Variants in KCTD3 observed in about 807,000 individuals in gnomAD.
KCTD3 encodes BTB/POZ domain-containing protein KCTD3.
KCTD3 carries 41 observed loss-of-function variants against 85.8 expected under a neutral mutation model. The ratio of observed to expected loss-of-function variants is 0.48; its 90% CI spans 0.37 to 0.62. The LOEUF (loss-of-function observed/expected upper bound fraction) is 0.62. Ranked by LOEUF, KCTD3 falls within the 20% of genes least tolerant of loss-of-function variation. KCTD3 has a pLI of 0.00. For missense variants in KCTD3, 724 were observed against 989.9 expected (o/e 0.73, Z 3.60); for synonymous variants, 338 against 345.4 (o/e 0.98, Z 0.24).
At chr1:215,583,258 G>A (rs1012120959) in intron 8 of KCTD3, among the ~76,000 whole-genome samples, 2 of 152,126 alleles carry the variant, frequency 1.3e-5, no homozygotes, top group African/African-American at 4.8e-5. Context: ...TAAATAAGGG[G>A]TGGATTATTC....
At chr1:215,612,747 A>G (rs1022397820) in intron 15 of KCTD3, among the ~76,000 whole-genome samples, 7 of 152,206 alleles carry the variant, frequency 4.6e-5, no homozygotes, top group South Asian at 2.1e-4. Context: ...AGGATTTCAT[A>G]GGATAAAATA....
intron 9 of KCTD3, among the ~76,000 whole-genome samples, chr1:215,590,729 T>C (rs1353845332): frequency 6.6e-6 from 1 of 152,248 alleles, no homozygotes; most frequent in Non-Finnish European, 1.5e-5. Flanking sequence ...ATTTCTTGTC[T>C]TTTTGTTCAT....
chr1:215,617,889 A>G (rs2102609269), intron 15 of KCTD3, among the ~76,000 whole-genome samples: 1 of 148,964 alleles, frequency 6.7e-6, no homozygotes, highest in South Asian at 2.1e-4. Flanking sequence ...ATATATGTAT[A>G]TCTTCTAGTG....
At chr1:215,599,956 A>G (rs543973563) in intron 10 of KCTD3, among the ~76,000 whole-genome samples, 1 of 151,488 alleles carries the variant, frequency 6.6e-6, no homozygotes, top group South Asian at 2.1e-4. Flanking sequence ...ATCTGTCCCC[A>G]TTTTCCTGCC....
At chr1:215,577,799 T>C in intron 5 of KCTD3, 71 bp downstream of exon 5, 1 of 1,307,298 alleles carries the variant, frequency 7.6e-7, no homozygotes, top group Non-Finnish European at 1.1e-6. Context: ...ATGAAATGTG[T>C]TTATATCAGG....
At position 215,567,760 on chromosome 1, in the gene KCTD3, G is replaced by A. The variant is rs1194771956; in HGVS notation, c.75G>A (p.Gly25=). Residue 25 remains glycine, a synonymous_variant, in exon 1 of 18, where the codon GGG becomes GGA. Coordinates refer to ENST00000259154, the MANE Select transcript of KCTD3 (RefSeq NM_016121.5). ...GCGAGATCGTCCAACTGAACGTAGG[G>A]GGGACCAGGTGAGTCGGCGGGTAGC... ...GSGEIVQLNV[G]GTRFSTSRQT... 22 of 1,244,792 alleles carry A rather than the reference G, an allele frequency of 1.8e-5. No individual in the cohort carries two copies. Among genetic ancestry groups the A allele is most frequent in the South Asian group, 4.1e-5 (1 of 24,416 alleles). The allele number at this position is 1,244,792 out of a possible 1,614,324, so 77.1% of individuals were successfully genotyped here.
chr1:215,597,801 G>T (rs1019624615), intron 10 of KCTD3, among the ~76,000 whole-genome samples: 12 of 151,986 alleles, frequency 7.9e-5, no homozygotes, highest in Non-Finnish European at 1.5e-4. Flanking sequence ...TTCTGTGTGT[G>T]TGATAGGTTT....
intron 9 of KCTD3, among the ~76,000 whole-genome samples, chr1:215,587,747 GTCT>G (rs1165081592): frequency 6.6e-6 from 1 of 152,134 alleles, no homozygotes; most frequent in African/African-American, 2.4e-5. Flanking sequence ...ATTGTGCATA[GTCT>G]TCTTTGATTC....
At chr1:215,589,051 A>G (rs1660122115) in intron 9 of KCTD3, among the ~76,000 whole-genome samples, 1 of 152,202 alleles carries the variant, frequency 6.6e-6, no homozygotes, top group Admixed American at 6.5e-5. Flanking sequence ...TTTCATTTCT[A>G]GTTTGAAGGT....
At chr1:215,598,698 GA>G (rs56770054) in intron 10 of KCTD3, among the ~76,000 whole-genome samples, 6 of 151,650 alleles carry the variant, frequency 4.0e-5, no homozygotes, top group Admixed American at 2.6e-4. Flanking sequence ...AAAGGTCATT[GA>G]AAAAAAATTT....
intron 8 of KCTD3, among the ~76,000 whole-genome samples, chr1:215,582,098 T>C (rs1001882805): frequency 2.0e-5 from 3 of 152,268 alleles, no homozygotes; most frequent in African/African-American, 4.8e-5. Flanking sequence ...TATTCCACTT[T>C]AGATCTTTAA....
Position 215,620,901 on chromosome 1 carries a change from A to G in KCTD3, c.*283A>G, listed in dbSNP as rs1384181104. 1 of 394,892 alleles carries G rather than the reference A, an allele frequency of 2.5e-6. No individual in the cohort carries two copies. Among genetic ancestry groups the G allele is most frequent in the African/African-American group, 2.1e-5 (1 of 48,128 alleles). 24.5% of individuals were successfully genotyped at this position (394,892 alleles called of 1,614,324 possible). ...TTTTTTGGTTTGGAAACATATTACC[A>G]CGTCTTAATAGGATGGTGCCCATAT... On this transcript the variant is annotated 3_prime_UTR_variant, in exon 18 of 18. Transcript: ENST00000259154.
chr1:215,578,642 G>A (rs1659678441), intron 6 of KCTD3, among the ~76,000 whole-genome samples: 1 of 152,154 alleles, frequency 6.6e-6, no homozygotes, highest in Non-Finnish European at 1.5e-5. Flanking sequence ...GGGAATTTCA[G>A]TTCTAAAGCA....
At chr1:215,595,890 TAAAGG>T (rs1468567291) in intron 10 of KCTD3, among the ~76,000 whole-genome samples, 1 of 152,138 alleles carries the variant, frequency 6.6e-6, no homozygotes, top group African/African-American at 2.4e-5. Flanking sequence ...ACCTGATTCT[TAAAGG>T]AAAGAGGAAA....
Position 215,602,864 on chromosome 1 carries a change from A to G in KCTD3, c.1138+663A>G, listed in dbSNP as rs963785871. Reference sequence around the variant, plus strand: ...ATCATTTCATTTAAGTTATTAAAAGAAACCATAATTTTTAGTATGAAAGAA... The same window carrying G: ...ATCATTTCATTTAAGTTATTAAAAGGAACCATAATTTTTAGTATGAAAGAA... On this transcript the variant is annotated intron_variant, in intron 12 of 17. Coordinates refer to ENST00000259154, the MANE Select transcript of KCTD3 (RefSeq NM_016121.5). Among the ~76,000 whole-genome samples the G allele has an allele frequency of 4.6e-5, 7 of 152,356 alleles. No homozygotes were observed. In the South Asian group the frequency reaches 1.5e-3, roughly 32 times the overall value.
At chr1:215,610,742 T>C (rs942187539) in intron 14 of KCTD3, among the ~76,000 whole-genome samples, 2 of 152,012 alleles carry the variant, frequency 1.3e-5, no homozygotes. Flanking sequence ...ATGAGAACTT[T>C]GGTTAACTAA....
intron 1 of KCTD3, among the ~76,000 whole-genome samples, chr1:215,568,861 A>T (rs1233946755): frequency 6.6e-6 from 1 of 152,076 alleles, no homozygotes; most frequent in Non-Finnish European, 1.5e-5. Flanking sequence ...TCTTCCCCCA[A>T]ATCAAAACTT....
intron 7 of KCTD3, 84 bp from the exon 8 acceptor site, chr1:215,579,825 C>A: frequency 2.2e-6 from 2 of 903,362 alleles, no homozygotes; most frequent in Non-Finnish European, 3.6e-6. Context: ...CCAAAACAGG[C>A]AGAAGGCTGA....
chr1:215,593,230 C>T (rs905651372), intron 9 of KCTD3, among the ~76,000 whole-genome samples: 3 of 152,122 alleles, frequency 2.0e-5, no homozygotes, highest in African/African-American at 7.2e-5. Flanking sequence ...TTCTGGGCAA[C>T]GGACTTAGCT....
Sources: allele counts gnomAD v4.1 joint callset (sites outside exome capture counted in the v4.1 genomes callset), GRCh38; gene constraint gnomAD v4.1.1; transcripts MANE v1.5; gene names NCBI Gene and HGNC (gene_info 2026-07-23, HGNC 2026-07-21).